The following HELZ variants were observed in gnomAD, a reference collection of about 807,000 sequenced individuals.
HELZ encodes the protein helicase with zinc finger, also known as ATP-dependent RNA helicase with zinc finger domain.
A neutral mutation model predicts 218.2 loss-of-function variants in HELZ; 23 were observed. The ratio of observed to expected loss-of-function variants is 0.11; its 90% CI spans 0.08 to 0.15. The LOEUF (loss-of-function observed/expected upper bound fraction) is 0.15, where lower values mean the gene tolerates loss of function less well. Ranked by LOEUF, HELZ falls within the 10% of genes least tolerant of loss-of-function variation. The probability of loss-of-function intolerance (pLI) is 1.00; values close to 1 mark genes in which losing one functional copy is unlikely to be tolerated. For synonymous variants in HELZ, 814 were observed against 829.4 expected (o/e 0.98, Z 0.32); for missense variants, 1,813 against 2,353.7 (o/e 0.77, Z 4.75).
intron 1 of HELZ, chr17:67,244,497 C>A: frequency 1.6e-6 from 1 of 613,682 alleles, no homozygotes; most frequent in Non-Finnish European, 2.0e-6. Context: ...TACTGGAGTA[C>A]TCTCAAGGAA....
intron 5 of HELZ, among the ~76,000 whole-genome samples, chr17:67,207,883 C>T (rs1323379411): frequency 6.6e-6 from 1 of 152,148 alleles, no homozygotes; most frequent in Non-Finnish European, 1.5e-5. Flanking sequence ...GCGGCGCATA[C>T]CCATAATACT....
At chr17:67,081,895 G>GAAGAGCAGAGTGATCAGAAGACC (rs141152219) in intron 32 of HELZ, among the ~76,000 whole-genome samples, 1 of 108,616 alleles carries the variant, frequency 9.2e-6, no homozygotes, top group African/African-American at 4.0e-5. Context: ...AAAATACATA[G>GAAGAGCAGAGTGATCAGAAGACC]AAGAGCAGAG....
chr17:67,148,394 A>G (rs1453828604), intron 20 of HELZ, among the ~76,000 whole-genome samples, 175 bp downstream of exon 20: 1 of 152,178 alleles, frequency 6.6e-6, no homozygotes, highest in African/African-American at 2.4e-5. Flanking sequence ...AAAAATTACA[A>G]CTCTGACTTC....
At chr17:67,245,062 G>T in intron 1 of HELZ, 86 bp downstream of exon 1, 3 of 984,482 alleles carry the variant, frequency 3.0e-6, no homozygotes, top group Non-Finnish European at 3.6e-6. Context: ...CCGGGACACC[G>T]GAGGGGAGTC....
chr17:67,107,611 G>T lies in HELZ; in HGVS notation c.4799C>A (p.Pro1600His). The T allele has an allele frequency of 6.2e-7, 1 of 1,614,100 alleles. No homozygotes were observed. The highest frequency in any genetic ancestry group is 8.5e-7 in the Non-Finnish European group (1 of 1,179,974). The change falls in exon 31 of 33, where the codon CCT becomes CAT. Residue 1600 changes from proline (P) to histidine (H), a missense_variant. Transcript: ENST00000358691. ...ETRELAEMPPPQSRLLQYRQV... is the reference protein window; with the variant it reads ...ETRELAEMPPHQSRLLQYRQV... ...TCTATATTGCAAAAGTCTTGATTGA[G>T]GTGGTGGCATTTCAGCTAGTTCCCG...
chr17:67,116,462 G>C (rs1354520804), intron 27 of HELZ, among the ~76,000 whole-genome samples: 1 of 147,302 alleles, frequency 6.8e-6, no homozygotes, highest in Middle Eastern at 3.2e-3. Context: ...GACACAAATA[G>C]ATTAAAAGTA....
intron 31 of HELZ, among the ~76,000 whole-genome samples, chr17:67,098,135 A>C (rs2036806280): frequency 6.6e-6 from 1 of 152,174 alleles, no homozygotes; most frequent in African/African-American, 2.4e-5. Context: ...CTTTTCCCCC[A>C]CATCTAGTTC....
chr17:67,245,457 T>G, upstream of HELZ: 14 of 985,288 alleles, frequency 1.4e-5, no homozygotes, highest in Non-Finnish European at 1.7e-5. Flanking sequence ...CCACGCCCGG[T>G]CCTCTCGCCT....
rs117712365 is a variant in HELZ at position 67,112,759 on chromosome 17, C to T, written c.3918+1565G>A. The stretch of plus-strand genomic sequence containing the variant: ...TAGTAAGAAACCATAGAATGCAAGA[C>T]AGGTGGGACTAGGACAGAACTCTGA... On this transcript the variant is annotated intron_variant, in intron 28 of 32. Coordinates refer to ENST00000358691, the MANE Select transcript of HELZ (RefSeq NM_014877.4). 3.0e-3 allele frequency among the ~76,000 whole-genome samples: 457 copies of T among 152,294 alleles called. 3 individuals are homozygous for T. The highest frequency in any genetic ancestry group is 4.8e-3 in the Non-Finnish European group (324 of 68,026).
At chr17:67,142,214 G>C (rs1404536042) in intron 21 of HELZ, among the ~76,000 whole-genome samples, 2 of 151,618 alleles carry the variant, frequency 1.3e-5, no homozygotes, top group Admixed American at 6.6e-5. Flanking sequence ...AAATGTGAAT[G>C]GATTAAAAAC....
chr17:67,082,143 T>C (rs1464339164), intron 32 of HELZ, among the ~76,000 whole-genome samples: 1 of 152,212 alleles, frequency 6.6e-6, no homozygotes, highest in Non-Finnish European at 1.5e-5. Flanking sequence ...CTGGATCTTA[T>C]TTCCAGTAAA....
intron 23 of HELZ, among the ~76,000 whole-genome samples, chr17:67,133,412 T>C (rs534585494): frequency 1.3e-5 from 2 of 152,350 alleles, no homozygotes; most frequent in Admixed American, 6.5e-5. Flanking sequence ...CACAGTATAA[T>C]ATGATTCTTT....
At chr17:67,121,702 A>T (rs1567817899) in intron 26 of HELZ, among the ~76,000 whole-genome samples, 1 of 152,258 alleles carries the variant, frequency 6.6e-6, no homozygotes. Flanking sequence ...TCAGCAAATT[A>T]ACAAAATATT....
chr17:67,244,971 G>A, intron 1 of HELZ, 177 bp downstream of exon 1: 1 of 985,828 alleles, frequency 1.0e-6, no homozygotes, highest in Non-Finnish European at 1.2e-6. Context: ...TCCGGGCCTC[G>A]CCTCGAAGAG....
chr17:67,143,220 G>C (rs892654374), intron 21 of HELZ, among the ~76,000 whole-genome samples: 1 of 152,060 alleles, frequency 6.6e-6, no homozygotes. Flanking sequence ...AATTCATTTT[G>C]TATATCTGTA....
chr17:67,244,661 T>C, intron 1 of HELZ: 6 of 975,660 alleles, frequency 6.1e-6, no homozygotes, highest in Non-Finnish European at 7.3e-6. Flanking sequence ...CTGACCCACT[T>C]TTCCCCACGC....
chr17:67,129,503 T>C (rs912372557), intron 23 of HELZ, among the ~76,000 whole-genome samples: 1 of 151,974 alleles, frequency 6.6e-6, no homozygotes, highest in South Asian at 2.1e-4. Context: ...AGACATAAAT[T>C]TGAGTCACAA....
At chr17:67,211,030 T>C (rs568448265) in intron 5 of HELZ, among the ~76,000 whole-genome samples, 2 of 152,220 alleles carry the variant, frequency 1.3e-5, no homozygotes, top group South Asian at 2.1e-4. Context: ...CAATGAAAAG[T>C]GACTTAACTA....
chr17:67,155,734 G>T (rs952330801), intron 17 of HELZ, among the ~76,000 whole-genome samples: 14 of 152,034 alleles, frequency 9.2e-5, no homozygotes, highest in Admixed American at 7.2e-4. Context: ...CTACTTGGGA[G>T]GCTGAGGCAG....
Sources: gnomAD v4.1 joint callset for allele counts (sites outside exome capture counted in the v4.1 genomes callset) on GRCh38, gnomAD v4.1.1 for gene constraint, MANE v1.5 for transcripts, NCBI Gene and HGNC (gene_info 2026-07-23, HGNC 2026-07-21) for gene names.